MAP3K5: variants seen among roughly 807,000 people sequenced by gnomAD.
MAP3K5 encodes ASK-1.
A neutral mutation model predicts 158.7 loss-of-function variants in MAP3K5; 56 were observed. The ratio of observed to expected loss-of-function variants is 0.35; its 90% confidence interval spans 0.28 to 0.44. The LOEUF (loss-of-function observed/expected upper bound fraction) is 0.44. MAP3K5 is among the 20% of genes least tolerant of loss of function. The pLI, the probability that MAP3K5 is intolerant of heterozygous loss-of-function variation, is 1.00. For missense variants in MAP3K5, 1,294 were observed against 1,674.8 expected (o/e 0.77, Z 3.97); for synonymous variants, 579 against 601.7 (o/e 0.96, Z 0.55).
chr6:136,759,153 A>G (rs1361126544), intron 1 of MAP3K5, among the ~76,000 whole-genome samples: 1 of 152,212 alleles, frequency 6.6e-6, no homozygotes, highest in African/African-American at 2.4e-5. Context: ...TCTGGGCAAC[A>G]GAGTGAGATT....
intron 3 of MAP3K5, among the ~76,000 whole-genome samples, chr6:136,703,413 T>C (rs558636097): frequency 6.6e-6 from 1 of 152,344 alleles, no homozygotes; most frequent in South Asian, 2.1e-4. Context: ...ACGTTCATTT[T>C]CTAATTTGTC....
At chr6:136,604,906 C>G (rs570061154) in intron 19 of MAP3K5, among the ~76,000 whole-genome samples, 1 of 152,118 alleles carries the variant, frequency 6.6e-6, no homozygotes, top group African/African-American at 2.4e-5. Context: ...CAGACTGTTT[C>G]CCAAAGGGCT....
chr6:136,734,918 G>A (rs1782391697), intron 1 of MAP3K5, among the ~76,000 whole-genome samples: 1 of 152,172 alleles, frequency 6.6e-6, no homozygotes, highest in Non-Finnish European at 1.5e-5. Context: ...GGTTATAGGA[G>A]TTGATTTGTG....
intron 24 of MAP3K5, 130 bp downstream of exon 24, chr6:136,583,425 T>G (rs972735841): frequency 6.2e-5 from 52 of 836,976 alleles, no homozygotes; most frequent in Non-Finnish European, 9.1e-5. Context: ...GGCGAATATC[T>G]CACATTTTTC....
intron 1 of MAP3K5, among the ~76,000 whole-genome samples, chr6:136,751,786 G>A (rs1051778230): frequency 2.0e-5 from 3 of 152,134 alleles, no homozygotes; most frequent in Non-Finnish European, 4.4e-5. Flanking sequence ...TCTTGTAATC[G>A]AAGCCACCAA....
intron 1 of MAP3K5, among the ~76,000 whole-genome samples, chr6:136,727,431 C>T (rs1015231360): frequency 6.6e-6 from 1 of 152,198 alleles, no homozygotes; most frequent in Non-Finnish European, 1.5e-5. Context: ...CACCAGAATT[C>T]AAACCCAAGC....
intron 1 of MAP3K5, among the ~76,000 whole-genome samples, chr6:136,780,097 G>A (rs1205245453): frequency 6.6e-6 from 1 of 152,220 alleles, no homozygotes; most frequent in African/African-American, 2.4e-5. Context: ...CCTTTCAGTG[G>A]AGGGCTGGGC....
intron 2 of MAP3K5, among the ~76,000 whole-genome samples, chr6:136,710,658 G>A (rs1274324582): frequency 6.6e-6 from 1 of 152,196 alleles, no homozygotes; most frequent in Non-Finnish European, 1.5e-5. Context: ...AGCGAAAGAA[G>A]TGGGAATAGC....
At chr6:136,687,537 C>T (rs1780202556) in intron 7 of MAP3K5, among the ~76,000 whole-genome samples, 1 of 152,062 alleles carries the variant, frequency 6.6e-6, no homozygotes. Flanking sequence ...TGACAAAGGG[C>T]TAATATCCAG....
rs192965096 is a variant in MAP3K5 at position 136,567,962 on chromosome 6, A to T, written c.3518-88T>A. 2.8e-4 allele frequency: 385 copies of T among 1,363,756 alleles called. 1 individual carries two copies. The highest frequency in any genetic ancestry group is 2.3e-3 in the African/African-American group (157 of 69,498). 84.5% of individuals were successfully genotyped at this position (1,363,756 alleles called of 1,614,324 possible). A position where few individuals can be genotyped will look rare whatever the true frequency, so the allele number is the denominator to read the frequency against. Reference sequence around the variant, plus strand: ...GATATGAATGCTACCCTCCTGCCCCACCGTCAATAAGATATATATTCCAAA... The same window carrying T: ...GATATGAATGCTACCCTCCTGCCCCTCCGTCAATAAGATATATATTCCAAA... On this transcript the variant is annotated intron_variant, in intron 25 of 29. Coordinates refer to ENST00000359015, the MANE Select transcript of MAP3K5 (RefSeq NM_005923.4).
chr6:136,710,840 T>G (rs920987100), intron 2 of MAP3K5, among the ~76,000 whole-genome samples: 1 of 152,190 alleles, frequency 6.6e-6, no homozygotes, highest in Non-Finnish European at 1.5e-5. Context: ...TCCATCTTTC[T>G]GTCCTAGTGG....
At chr6:136,567,561 A>C (rs1774172838) in intron 26 of MAP3K5, 70 bp downstream of exon 26, 6 of 1,471,558 alleles carry the variant, frequency 4.1e-6, no homozygotes, top group Non-Finnish European at 5.5e-6. Flanking sequence ...CATATTCTGT[A>C]GACCAAAAAC....
intron 1 of MAP3K5, among the ~76,000 whole-genome samples, chr6:136,758,339 G>A (rs1173706904): frequency 6.6e-6 from 1 of 152,144 alleles, no homozygotes; most frequent in Non-Finnish European, 1.5e-5. Context: ...TATCCTTTAA[G>A]ATGTTCCCAT....
intron 11 of MAP3K5, among the ~76,000 whole-genome samples, chr6:136,649,785 CTG>C (rs1778436067): frequency 6.6e-6 from 1 of 152,218 alleles, no homozygotes; most frequent in Non-Finnish European, 1.5e-5. Flanking sequence ...ATGCCAGGCT[CTG>C]TGAAATGCAC....
At chr6:136,588,391 C>A (rs1367665151) in intron 23 of MAP3K5, among the ~76,000 whole-genome samples, 1 of 152,154 alleles carries the variant, frequency 6.6e-6, no homozygotes, top group Non-Finnish European at 1.5e-5. Context: ...GCTAATAGAA[C>A]TATTGGTATA....
At chr6:136,778,542 T>G (rs1784485161) in intron 1 of MAP3K5, among the ~76,000 whole-genome samples, 1 of 152,216 alleles carries the variant, frequency 6.6e-6, no homozygotes, top group South Asian at 2.1e-4. Context: ...TCACACCTTT[T>G]TAACCTAATT....
intron 10 of MAP3K5, 27 bp from the exon 11 acceptor site, chr6:136,651,118 A>C: frequency 7.9e-7 from 1 of 1,272,694 alleles, no homozygotes; most frequent in Non-Finnish European, 1.1e-6. Context: ...AAAGAAACTA[A>C]TATCAGTGAC....
At chr6:136,604,434 T>TC (rs2129087039) in intron 19 of MAP3K5, among the ~76,000 whole-genome samples, 1 of 150,352 alleles carries the variant, frequency 6.7e-6, no homozygotes, top group East Asian at 1.9e-4. Context: ...AAATAAATAA[T>TC]TTTTTTTTAA....
At chr6:136,579,593 A>G (rs988473797) in intron 25 of MAP3K5, among the ~76,000 whole-genome samples, 5 of 152,222 alleles carry the variant, frequency 3.3e-5, no homozygotes, top group African/African-American at 1.2e-4. Context: ...TAGAGAATGT[A>G]CAACACCAAG....
Sources: gnomAD v4.1 joint callset for allele counts (sites outside exome capture counted in the v4.1 genomes callset) on GRCh38, gnomAD v4.1.1 for gene constraint, MANE v1.5 for transcripts, NCBI Gene and HGNC (gene_info 2026-07-23, HGNC 2026-07-21) for gene names.